The following LRRC4C variants were observed in gnomAD, a reference collection of about 807,000 sequenced individuals.
LRRC4C encodes leucine-rich repeat-containing protein 4C.
In LRRC4C, 5 loss-of-function variants were observed where a neutral mutation model predicts 33.6. The observed-to-expected ratio is 0.15, with a 90% CI of 0.08 to 0.31. The LOEUF is 0.31. Ranked by LOEUF, LRRC4C falls within the 10% of genes least tolerant of loss-of-function variation. The pLI is 1.00. For missense variants in LRRC4C, 560 were observed against 796.7 expected, an observed-to-expected ratio of 0.70 and a Z score of 3.58; for synonymous variants, 329 against 302.0, an observed-to-expected ratio of 1.09 and a Z score of -0.93.
chr11:40,452,189 T>C (rs906835460), intron 3 of LRRC4C, among the ~76,000 whole-genome samples: 1 of 152,076 alleles, frequency 6.6e-6, no homozygotes, highest in African/African-American at 2.4e-5. Context: ...TGGGATCTCA[T>C]TAAACTAAAG....
chr11:41,432,869 C>A lies in LRRC4C; in HGVS notation c.-496+26562G>T, dbSNP rs185091144. Among the ~76,000 whole-genome samples the A allele has an allele frequency of 1.1e-4, 16 of 152,250 alleles. 1 individual carries two copies. Among genetic ancestry groups the A allele is most frequent in the Admixed American group, 1.0e-3 (16 of 15,288 alleles). ...GTCTCCATAAATATCCCTCAAAGCA[C>A]TTTATAGTCTGCAGGAAGTTTCCCA... On this transcript the variant is annotated intron_variant, in intron 1 of 6. Transcript: ENST00000528697.
intron 3 of LRRC4C, among the ~76,000 whole-genome samples, chr11:40,515,814 C>T (rs987648570): frequency 1.3e-5 from 2 of 151,950 alleles, no homozygotes; most frequent in Non-Finnish European, 2.9e-5. Context: ...TCATGAAGTA[C>T]TGTGGCCAAT....
rs542588937 is a variant in LRRC4C, at chr11:40,173,682, C to T, written c.-95-32829G>A. Among the ~76,000 whole-genome samples, 5 of 152,240 alleles carry T rather than the reference C, an allele frequency of 3.3e-5. No individual in the cohort carries two copies. The East Asian group carries it at 9.7e-4, about 29-fold the overall frequency. ...CTTACTTAGTGCCTAGATGATCATA[C>T]CTGTAAAACGTCAGTGCCATCCCCT... On this transcript the variant is annotated intron_variant, in intron 5 of 6. Transcript: ENST00000528697.
chr11:40,381,959 T>TG (rs976680874), intron 3 of LRRC4C, among the ~76,000 whole-genome samples: 13 of 136,296 alleles, frequency 9.5e-5, no homozygotes, highest in African/African-American at 3.3e-4. Flanking sequence ...TCAGCGTTTT[T>TG]TTTTTTTTTT....
intron 1 of LRRC4C, among the ~76,000 whole-genome samples, chr11:41,281,078 C>CTCTCTCTCTCTCTCTCTTTT (rs1491428513): frequency 1.2e-5 from 1 of 83,120 alleles, no homozygotes; most frequent in Admixed American, 1.6e-4. Context: ...CTCTCTCTGT[C>CTCTCTCTCTCTCTCTCTTTT]CTCTCTCTCT....
chr11:41,360,003 T>C (rs1952295350), intron 1 of LRRC4C, among the ~76,000 whole-genome samples: 1 of 152,138 alleles, frequency 6.6e-6, no homozygotes, highest in African/African-American at 2.4e-5. Context: ...ACCAACATGG[T>C]GAAACCCCGT....
At chr11:40,661,790 G>A (rs1450492209) in intron 2 of LRRC4C, among the ~76,000 whole-genome samples, 2 of 152,184 alleles carry the variant, frequency 1.3e-5, no homozygotes, top group Non-Finnish European at 2.9e-5. Context: ...TGGGAAAGAT[G>A]CAGATGAAAT....
chr11:41,021,035 C>A lies in LRRC4C; in HGVS notation c.-495-87312G>T, dbSNP rs562401299. 1.1e-4 allele frequency among the ~76,000 whole-genome samples: 16 copies of A among 152,260 alleles called. 1 individual carries two copies. The South Asian group carries it at 3.3e-3, about 32-fold the overall frequency. On this transcript the variant is annotated intron_variant, in intron 1 of 6. Transcript: ENST00000528697. The stretch of plus-strand genomic sequence containing the variant: ...ACTTGCTCTCTAACCTTTTCCTTCA[C>A]AGCATTCATTTCAATTTATAATTAA...
At chr11:40,205,123 G>A (rs759156389) in intron 5 of LRRC4C, among the ~76,000 whole-genome samples, 4 of 152,186 alleles carry the variant, frequency 2.6e-5, no homozygotes, top group Admixed American at 6.5e-5. Context: ...TTCACAGAAG[G>A]TGCTGAGCCT....
intron 3 of LRRC4C, among the ~76,000 whole-genome samples, chr11:40,623,470 C>T (rs976390951): frequency 6.6e-6 from 1 of 151,872 alleles, no homozygotes; most frequent in Non-Finnish European, 1.5e-5. Context: ...GGTTCATACT[C>T]ACTTTCTTGA....
chr11:40,865,532 T>TAA (rs1554980767), intron 2 of LRRC4C, among the ~76,000 whole-genome samples: 2 of 144,044 alleles, frequency 1.4e-5, no homozygotes, highest in East Asian at 4.2e-4. Context: ...TATATATATA[T>TAA]AATTTCAAAA....
At chr11:41,257,864 T>A (rs868105547) in intron 1 of LRRC4C, among the ~76,000 whole-genome samples, 1 of 152,084 alleles carries the variant, frequency 6.6e-6, no homozygotes, top group Admixed American at 6.6e-5. Flanking sequence ...ATCCTTCATA[T>A]GAAATTAGTT....
At chr11:41,070,439 C>T (rs989679796) in intron 1 of LRRC4C, among the ~76,000 whole-genome samples, 1 of 152,076 alleles carries the variant, frequency 6.6e-6, no homozygotes, top group Non-Finnish European at 1.5e-5. Flanking sequence ...AACTAAAAAG[C>T]TTCTGCATAG....
At chr11:40,996,977 C>T (rs1264977263) in intron 1 of LRRC4C, among the ~76,000 whole-genome samples, 1 of 152,048 alleles carries the variant, frequency 6.6e-6, no homozygotes, top group Non-Finnish European at 1.5e-5. Flanking sequence ...GATGAATATC[C>T]AAACTATATC....
intron 2 of LRRC4C, among the ~76,000 whole-genome samples, chr11:40,739,696 G>C (rs188759290): frequency 6.6e-6 from 1 of 151,868 alleles, no homozygotes; most frequent in Non-Finnish European, 1.5e-5. Flanking sequence ...TATCTGATAC[G>C]GTTATAAGCA....
At chr11:41,329,653 A>G (rs1033741251) in intron 1 of LRRC4C, among the ~76,000 whole-genome samples, 12 of 152,146 alleles carry the variant, frequency 7.9e-5, no homozygotes, top group African/African-American at 2.4e-4. Context: ...CCAAATTGGC[A>G]TTTATAATAA....
intron 1 of LRRC4C, among the ~76,000 whole-genome samples, chr11:41,139,845 G>A (rs750353543): frequency 1.3e-5 from 2 of 152,170 alleles, no homozygotes; most frequent in Non-Finnish European, 2.9e-5. Flanking sequence ...TTTGGGCTGT[G>A]TGGGAGACGG....
chr11:40,976,096 G>A (rs1234749411), intron 1 of LRRC4C, among the ~76,000 whole-genome samples: 1 of 152,154 alleles, frequency 6.6e-6, no homozygotes, highest in Non-Finnish European at 1.5e-5. Context: ...TCTTTGCTTG[G>A]ATTATATTGC....
At chr11:40,850,764 G>T (rs1019774464) in intron 2 of LRRC4C, among the ~76,000 whole-genome samples, 1 of 152,222 alleles carries the variant, frequency 6.6e-6, no homozygotes, top group Non-Finnish European at 1.5e-5. Context: ...GTCCCAGGGA[G>T]ATGGGAGTTT....
Sources: gnomAD v4.1 joint callset for allele counts (sites outside exome capture counted in the v4.1 genomes callset) on GRCh38, gnomAD v4.1.1 for gene constraint, MANE v1.5 for transcripts, NCBI Gene and HGNC (gene_info 2026-07-23, HGNC 2026-07-21) for gene names.